Variants in APOL4 observed in about 807,000 individuals in gnomAD.
The protein encoded by APOL4 is apolipoprotein L4, also known as apolipoprotein L, 4.
APOL4 carries 14 observed loss-of-function variants against 12.1 expected under a neutral mutation model. That is an observed-to-expected ratio of 1.16 (90% CI 0.76 to 1.81). APOL4 has a LOEUF of 1.81. Among genes scored for constraint, APOL4 ranks in the 40% most tolerant of loss-of-function variants. The pLI is 0.00. For synonymous variants in APOL4, 171 were observed against 160.6 expected (o/e 1.06, Z -0.49); for missense variants, 432 against 423.1 (o/e 1.02, Z -0.18).
At chr22:36,196,068 C>G (rs893893700) in intron 2 of APOL4, among the ~76,000 whole-genome samples, 1 of 152,204 alleles carries the variant, frequency 6.6e-6, no homozygotes, top group Non-Finnish European at 1.5e-5. Context: ...CTGAGAATCA[C>G]CAGAAAGTGA....
At chr22:36,195,788 ACAC>A (rs2014397005) in intron 2 of APOL4, among the ~76,000 whole-genome samples, 1 of 148,900 alleles carries the variant, frequency 6.7e-6, no homozygotes. Context: ...ACACACACAC[ACAC>A]ACACACACAC....
rs5995243 is a variant in APOL4, at chr22:36,195,630, C to A, written c.83-193G>T. 3.9e-3 allele frequency among the ~76,000 whole-genome samples: 592 copies of A among 151,836 alleles called. 6 individuals are homozygous for A. Among genetic ancestry groups the A allele is most frequent in the African/African-American group, 0.014 (566 of 41,334 alleles). On this transcript the variant is annotated intron_variant, in intron 2 of 3. Coordinates refer to ENST00000683024, the MANE Select transcript of APOL4 (RefSeq NM_001386885.1). ...TACTGAGGCTCTAAACCCCAGTGAC[C>A]GTATTTGGAGATTGAGCCTTTAAGG...
intron 3 of APOL4, 112 bp downstream of exon 3, chr22:36,195,199 G>A: frequency 7.2e-7 from 1 of 1,379,370 alleles, no homozygotes; most frequent in Non-Finnish European, 9.8e-7. Flanking sequence ...ACATCCTCAA[G>A]CCCAGCAGAG....
chr22:36,192,907 T>A (rs760289600), intron 3 of APOL4, among the ~76,000 whole-genome samples: 1 of 152,212 alleles, frequency 6.6e-6, no homozygotes, highest in Non-Finnish European at 1.5e-5. Flanking sequence ...TGCATTGTCA[T>A]GAGTTAAGAA....
rs201551027 is a variant in APOL4, at chr22:36,190,022, AG to A, written c.*1052del. The A allele has an allele frequency of 0.016, 2,968 of 185,106 alleles. 49 individuals carry two copies. Among genetic ancestry groups the A allele is most frequent in the Admixed American group, 0.046 (850 of 18,594 alleles). The allele number at this position is 185,106 out of a possible 1,614,324, so 11.5% of individuals were successfully genotyped here. On this transcript the variant is annotated 3_prime_UTR_variant, in exon 4 of 4. Transcript: ENST00000683024. ...GGGGAACCTGCCCCGATGGTCACGT[AG>A]GTTCTTTTCTATTTTCCCTAAGTGT...
chr22:36,191,924 A>G lies in APOL4; in HGVS notation c.210-12T>C. 6.4e-7 allele frequency: 1 copy of G among 1,565,846 alleles called. No individual in the cohort carries two copies. The highest frequency in any genetic ancestry group is 8.6e-7 in the Non-Finnish European group (1 of 1,161,466). On this transcript the variant is annotated splice_polypyrimidine_tract_variant and intron_variant, in intron 3 of 3. Coordinates refer to ENST00000683024, the MANE Select transcript of APOL4 (RefSeq NM_001386885.1). ...CATCTGCCTCTTCCCTGTACCAATA[A>G]AGGACAGATGATTAAGAAAGGCAGC...
At chr22:36,203,746 C>A (rs939725101), upstream of APOL4, among the ~76,000 whole-genome samples, 8 of 152,200 alleles carry the variant, frequency 5.3e-5, no homozygotes, top group South Asian at 2.1e-4. Context: ...GGACAGGCGC[C>A]CCCCTGCATC....
intron 3 of APOL4, among the ~76,000 whole-genome samples, chr22:36,193,871 A>ACTGC (rs765666447): frequency 1.8e-4 from 27 of 152,298 alleles, no homozygotes; most frequent in Admixed American, 3.9e-4. Flanking sequence ...AAGCCACCTT[A>ACTGC]CTGCCTCCTG....
intron 2 of APOL4, among the ~76,000 whole-genome samples, 197 bp downstream of exon 2, chr22:36,199,133 G>A (rs1213464851): frequency 6.6e-6 from 1 of 152,200 alleles, no homozygotes; most frequent in Non-Finnish European, 1.5e-5. Context: ...GGATGCAGAT[G>A]CCCCCCAGAA....
chr22:36,204,164 A>G (rs967639360), upstream of APOL4, among the ~76,000 whole-genome samples: 4 of 152,120 alleles, frequency 2.6e-5, no homozygotes, highest in African/African-American at 9.7e-5. Context: ...TTGTATCTCA[A>G]AAGAAATCTC....
chr22:36,191,944 G>A (rs1262785879), intron 3 of APOL4, 32 bp from the exon 4 acceptor site: 3 of 1,522,762 alleles, frequency 2.0e-6, no homozygotes, highest in African/African-American at 1.4e-5. Flanking sequence ...GATTAAGAAA[G>A]GCAGCTTACT....
chr22:36,192,346 A>AATAAT (rs2014284082), intron 3 of APOL4, among the ~76,000 whole-genome samples: 1 of 151,826 alleles, frequency 6.6e-6, no homozygotes. Flanking sequence ...TCTCAAAAAA[A>AATAAT]AATAATAATA....
At chr22:36,195,525 C>T in intron 2 of APOL4, 88 bp from the exon 3 acceptor site, 1 of 1,449,268 alleles carries the variant, frequency 6.9e-7, no homozygotes, top group South Asian at 1.3e-5. Context: ...TGTTAATCCT[C>T]CTGAACCAGC....
intron 2 of APOL4, chr22:36,197,543 C>A: frequency 7.2e-7 from 1 of 1,389,858 alleles, no homozygotes; most frequent in South Asian, 1.8e-5. Context: ...GAAACATTCC[C>A]GGGCAAACAA....
Position 36,191,548 on chromosome 22 carries a change from T to G in APOL4, c.574A>C (p.Thr192Pro), listed in dbSNP as rs764644992. ...GTGAGTTCTGCTGACCTTGTGTATG[T>G]GTTCTCCACGATGCTGGAGGCGATC... ...AGIASSIVEN[T>P]YTRSAELTAS... Residue 192 changes from threonine to proline, a missense_variant, in exon 4 of 4, where the codon ACA becomes CCA. Physicochemically the swap from Thr to Pro is conservative, Grantham distance 38. Coordinates refer to ENST00000683024, the MANE Select transcript of APOL4 (RefSeq NM_001386885.1). 6.2e-7 allele frequency: 1 copy of G among 1,613,902 alleles called. No homozygotes were observed.
intron 1 of APOL4, among the ~76,000 whole-genome samples, chr22:36,200,149 A>T (rs1446106324): frequency 2.0e-5 from 3 of 152,168 alleles, no homozygotes; most frequent in Non-Finnish European, 2.9e-5. Flanking sequence ...TTCAATGATC[A>T]CACACAGCCC....
At chr22:36,204,600 GA>G, upstream of APOL4, 10 of 424,114 alleles carry the variant, frequency 2.4e-5, no homozygotes, top group South Asian at 3.8e-5. Context: ...TAAGGAGATG[GA>G]GGGAGGTCAC....
In APOL4 at chr22:36,191,091, C is replaced by T. The variant is rs779785575; in HGVS notation, c.1031G>A (p.Ser344Asn). The change falls in exon 4 of 4, where the codon AGT becomes AAT. Residue 344 changes from serine (S) to asparagine (N), a missense_variant. By Grantham distance (46) the Ser-to-Asn change is conservative (BLOSUM62 1). Transcript: ENST00000683024. ...CAATTGGGCCTAGCCTGCTTTTAGA[C>T]TCTGATGGATATGGGTGAGCTCATT... ...NLNELTHIHQ[S>N]LKAG The T allele has an allele frequency of 1.9e-6, 3 of 1,602,886 alleles. No individual in the cohort carries two copies. Among genetic ancestry groups the T allele is most frequent in the Admixed American group, 1.7e-5 (1 of 58,470 alleles).
chr22:36,200,213 G>A (rs1463517774), intron 1 of APOL4, among the ~76,000 whole-genome samples: 1 of 152,164 alleles, frequency 6.6e-6, no homozygotes. Flanking sequence ...CAAAAGTTAG[G>A]GAACTTGCCA....
Sources: gnomAD v4.1 joint callset for allele counts (sites outside exome capture counted in the v4.1 genomes callset) on GRCh38, gnomAD v4.1.1 for gene constraint, MANE v1.5 for transcripts, NCBI Gene and HGNC (gene_info 2026-07-23, HGNC 2026-07-21) for gene names.